FLRT2: variants seen among roughly 807,000 people sequenced by gnomAD.
The protein encoded by FLRT2 is leucine-rich repeat transmembrane protein FLRT2.
A neutral mutation model predicts 40.0 loss-of-function variants in FLRT2; 15 were observed. The ratio of observed to expected loss-of-function variants is 0.38; its 90% CI spans 0.25 to 0.58. The LOEUF is 0.58. Among genes scored for constraint, FLRT2 ranks in the 20% least tolerant of loss-of-function variants. The pLI is 0.71. For missense variants in FLRT2, 726 were observed against 840.0 expected, an observed-to-expected ratio of 0.86 and a Z score of 1.68; for synonymous variants, 380 against 336.8, an observed-to-expected ratio of 1.13 and a Z score of -1.41.
chr14:85,604,218 T>G (rs529437601), intron 1 of FLRT2, among the ~76,000 whole-genome samples: 1 of 152,240 alleles, frequency 6.6e-6, no homozygotes, highest in East Asian at 1.9e-4. Context: ...TTCATGCTGG[T>G]GGGTGGCATG....
Position 85,650,507 on chromosome 14 carries a change from T to C in FLRT2, c.*27010T>C, listed in dbSNP as rs561306603. The C allele has an allele frequency of 6.6e-6, 1 of 152,190 alleles. No homozygotes were observed. Among genetic ancestry groups the C allele is most frequent in the South Asian group, 2.1e-4 (1 of 4,828 alleles). 9.4% of individuals were successfully genotyped at this position (152,190 alleles called of 1,614,324 possible). A position where few individuals can be genotyped will look rare whatever the true frequency, so the allele number is the denominator to read the frequency against. On this transcript the variant is annotated 3_prime_UTR_variant, in exon 2 of 2. Coordinates refer to ENST00000330753, the MANE Select transcript of FLRT2 (RefSeq NM_013231.6). The stretch of plus-strand genomic sequence containing the variant: ...GTATCTAGAATTTGAATTGCTAAAA[T>C]TGAACATTCAATTTTCATTTTTAAC...
intron 1 of FLRT2, among the ~76,000 whole-genome samples, chr14:85,611,710 G>A (rs1309837464): frequency 2.6e-5 from 4 of 152,070 alleles, no homozygotes; most frequent in East Asian, 1.9e-4. Flanking sequence ...TTCAAGCGTA[G>A]GATTCTCTCA....
chr14:85,643,146 G>T lies in FLRT2; in HGVS notation c.*19649G>T, dbSNP rs1282516104. 1 of 151,992 alleles carries T rather than the reference G, an allele frequency of 6.6e-6. No homozygotes were observed. Among genetic ancestry groups the T allele is most frequent in the Non-Finnish European group, 1.5e-5 (1 of 68,044 alleles). 9.4% of individuals were successfully genotyped at this position (151,992 alleles called of 1,614,324 possible). A position where few individuals can be genotyped will look rare whatever the true frequency, so the allele number is the denominator to read the frequency against. ...TCATCTTCAAACACTATTCCACTCGGGGCTAGGATGTCAACATATGAAATT... is the reference window on the plus strand; with the variant it reads ...TCATCTTCAAACACTATTCCACTCGTGGCTAGGATGTCAACATATGAAATT... On this transcript the variant is annotated 3_prime_UTR_variant, in exon 2 of 2. Coordinates refer to ENST00000330753, the MANE Select transcript of FLRT2 (RefSeq NM_013231.6).
In FLRT2 at chr14:85,558,972, A is replaced by C. The variant is rs549315047; in HGVS notation, c.-377+28438A>C. 8.5e-5 allele frequency among the ~76,000 whole-genome samples: 13 copies of C among 152,316 alleles called. No individual in the cohort carries two copies. In the South Asian group the frequency reaches 1.7e-3, roughly 19 times the overall value. On this transcript the variant is annotated intron_variant, in intron 1 of 1. Coordinates refer to ENST00000330753, the MANE Select transcript of FLRT2 (RefSeq NM_013231.6). ...GTGGCTAGTGGCTTCCTAAACGTTTAGTGTTCTAATCAAATAAACTTGTAT... is the reference window on the plus strand; with the variant it reads ...GTGGCTAGTGGCTTCCTAAACGTTTCGTGTTCTAATCAAATAAACTTGTAT...
At position 85,600,487 on chromosome 14, in the gene FLRT2, G is replaced by C. The variant is rs11845293; in HGVS notation, c.-376-20652G>C. 8.1e-3 allele frequency among the ~76,000 whole-genome samples: 1,228 copies of C among 152,018 alleles called. 11 individuals are homozygous for C. Among genetic ancestry groups the C allele is most frequent in the African/African-American group, 0.028 (1,166 of 41,430 alleles). The stretch of plus-strand genomic sequence containing the variant: ...CGTTTATGTGCAGGGAAGAAAACAG[G>C]CATGGTCAGAAAAAGGAAGACTCTG... On this transcript the variant is annotated intron_variant, in intron 1 of 1. Coordinates refer to ENST00000330753, the MANE Select transcript of FLRT2 (RefSeq NM_013231.6).
At chr14:85,607,759 T>C (rs1018213172) in intron 1 of FLRT2, among the ~76,000 whole-genome samples, 1 of 152,224 alleles carries the variant, frequency 6.6e-6, no homozygotes, top group African/African-American at 2.4e-5. Context: ...TTTTATGTGC[T>C]TTCTACTGTA....
At chr14:85,606,262 C>T (rs763343736) in intron 1 of FLRT2, among the ~76,000 whole-genome samples, 105 of 152,104 alleles carry the variant, frequency 6.9e-4, no homozygotes, top group East Asian at 3.9e-4. Flanking sequence ...ATGTCATGGG[C>T]TGGTGTATTT....
At chr14:85,532,948 G>A (rs1416798563) in intron 1 of FLRT2, among the ~76,000 whole-genome samples, 2 of 152,214 alleles carry the variant, frequency 1.3e-5, no homozygotes, top group African/African-American at 4.8e-5. Context: ...CTAAGGACTG[G>A]TGGTAGGAAC....
Position 85,633,527 on chromosome 14 carries a change from A to G in FLRT2, c.*10030A>G, listed in dbSNP as rs563662120. 8 of 152,180 alleles carry G rather than the reference A, an allele frequency of 5.3e-5. 1 individual carries two copies. In the South Asian group the frequency reaches 1.7e-3, roughly 32 times the overall value. 9.4% of individuals were successfully genotyped at this position (152,180 alleles called of 1,614,324 possible). A position where few individuals can be genotyped will look rare whatever the true frequency, so the allele number is the denominator to read the frequency against. ...AACAAAATCAAGATAAGCTGAGCAC[A>G]GTGGCTCATGCCTATAATCGCAGTA... On this transcript the variant is annotated 3_prime_UTR_variant, in exon 2 of 2. Coordinates refer to ENST00000330753, the MANE Select transcript of FLRT2 (RefSeq NM_013231.6).
intron 1 of FLRT2, among the ~76,000 whole-genome samples, chr14:85,612,061 CAAAAAAAAA>C (rs11298272): frequency 4.8e-5 from 3 of 62,296 alleles, no homozygotes; most frequent in African/African-American, 1.7e-4. Flanking sequence ...ACTTACTTTT[CAAAAAAAAA>C]AAAAAAAAAA....
chr14:85,568,607 G>T (rs910157934), intron 1 of FLRT2, among the ~76,000 whole-genome samples: 11 of 152,134 alleles, frequency 7.2e-5, no homozygotes, highest in South Asian at 2.1e-4. Context: ...CTGCTTTTTT[G>T]TTGTTGTTGT....
chr14:85,636,016 G>A lies in FLRT2; in HGVS notation c.*12519G>A, dbSNP rs1243795830. On this transcript the variant is annotated 3_prime_UTR_variant, in exon 2 of 2. Coordinates refer to ENST00000330753, the MANE Select transcript of FLRT2 (RefSeq NM_013231.6). The stretch of plus-strand genomic sequence containing the variant: ...GATTGATATTTTAAATTAATGGCTT[G>A]TAATTGTGTAATTGGAAAGTGGTCC... The A allele has an allele frequency of 6.6e-6, 1 of 151,952 alleles. No individual in the cohort carries two copies. The highest frequency in any genetic ancestry group is 2.4e-5 in the African/African-American group (1 of 41,382). 9.4% of individuals were successfully genotyped at this position (151,952 alleles called of 1,614,324 possible).
intron 1 of FLRT2, among the ~76,000 whole-genome samples, chr14:85,555,001 G>A (rs1418154767): frequency 6.6e-6 from 1 of 152,134 alleles, no homozygotes; most frequent in Non-Finnish European, 1.5e-5. Flanking sequence ...TTGGAGATAG[G>A]CATCACTTTG....
chr14:85,566,311 A>G (rs889205741), intron 1 of FLRT2, among the ~76,000 whole-genome samples: 22 of 152,160 alleles, frequency 1.4e-4, no homozygotes, highest in Non-Finnish European at 2.9e-5. Flanking sequence ...TTTTCACCGG[A>G]TGCCTGTTGA....
chr14:85,622,256 G>A lies in FLRT2; in HGVS notation c.742G>A (p.Asp248Asn), dbSNP rs200513977. 1.9e-6 allele frequency: 3 copies of A among 1,613,954 alleles called. No individual in the cohort carries two copies. The highest frequency in any genetic ancestry group is 1.1e-5 in the South Asian group (1 of 91,062). The change falls in exon 2 of 2, where the codon GAT becomes AAT. Residue 248 changes from aspartate (D) to asparagine (N), a missense_variant. Physicochemically the swap from Asp to Asn is conservative, Grantham distance 23. Transcript: ENST00000330753. ...VRNSLSHPPPDLPGTHLIRLY... is the reference protein window; with the variant it reads ...VRNSLSHPPPNLPGTHLIRLY... ...TAATTCGCTGTCCCACCCTCCTCCCGATCTCCCAGGTACGCATCTGATCAG... is the reference window on the plus strand; with the variant it reads ...TAATTCGCTGTCCCACCCTCCTCCCAATCTCCCAGGTACGCATCTGATCAG...
In FLRT2 at chr14:85,623,730, T is replaced by A. The variant is rs1168998663; in HGVS notation, c.*233T>A. 3.0e-6 allele frequency: 1 copy of A among 330,608 alleles called. No homozygotes were observed. Among genetic ancestry groups the A allele is most frequent in the Non-Finnish European group, 5.5e-6 (1 of 181,156 alleles). 20.5% of individuals were successfully genotyped at this position (330,608 alleles called of 1,614,324 possible). On this transcript the variant is annotated 3_prime_UTR_variant, in exon 2 of 2. Transcript: ENST00000330753. ...TTGTAACTCTTTGCTTTTTAAATCT[T>A]AAAAAAAAAAAAGTTGCTGAAGTAC... is the stretch of plus-strand genomic sequence containing the variant.
rs1281940345 is a variant in FLRT2, at chr14:85,639,042, A to G, written c.*15545A>G. On this transcript the variant is annotated 3_prime_UTR_variant, in exon 2 of 2. Coordinates refer to ENST00000330753, the MANE Select transcript of FLRT2 (RefSeq NM_013231.6). ...CAATCAAAACGATTAGTGCATTAGG[A>G]TAAGTGTCGTCTCTTGTAGATAGAT... The G allele has an allele frequency of 6.6e-6, 1 of 152,232 alleles. No homozygotes were observed. Among genetic ancestry groups the G allele is most frequent in the East Asian group, 1.9e-4 (1 of 5,190 alleles). 9.4% of individuals were successfully genotyped at this position (152,232 alleles called of 1,614,324 possible). A position where few individuals can be genotyped will look rare whatever the true frequency, so the allele number is the denominator to read the frequency against.
chr14:85,580,405 T>A (rs866543538), intron 1 of FLRT2, among the ~76,000 whole-genome samples: 3 of 152,196 alleles, frequency 2.0e-5, no homozygotes, highest in African/African-American at 7.2e-5. Flanking sequence ...GGGATTACAT[T>A]TGCAAAAGAA....
In FLRT2 at chr14:85,632,754, A is replaced by T. The variant is rs1218014630; in HGVS notation, c.*9257A>T. 6.6e-6 allele frequency: 1 copy of T among 152,240 alleles called. No individual in the cohort carries two copies. The highest frequency in any genetic ancestry group is 1.5e-5 in the Non-Finnish European group (1 of 68,044). The allele number at this position is 152,240 out of a possible 1,614,324, so 9.4% of individuals were successfully genotyped here. On this transcript the variant is annotated 3_prime_UTR_variant, in exon 2 of 2. Coordinates refer to ENST00000330753, the MANE Select transcript of FLRT2 (RefSeq NM_013231.6). Reference sequence around the variant, plus strand: ...GAGAATAGTCTTTCCTAGAAATGATATGCTTGTAAAGAAGGGAGTGGAGAG... The same window carrying T: ...GAGAATAGTCTTTCCTAGAAATGATTTGCTTGTAAAGAAGGGAGTGGAGAG...
Sources: gnomAD v4.1 joint callset for allele counts (sites outside exome capture counted in the v4.1 genomes callset) on GRCh38, gnomAD v4.1.1 for gene constraint, MANE v1.5 for transcripts, NCBI Gene and HGNC (gene_info 2026-07-23, HGNC 2026-07-21) for gene names.